Variants in CNTNAP5 observed in about 807,000 individuals in gnomAD.
CNTNAP5 encodes the protein contactin associated protein family member 5.
Under a neutral mutation model 150.2 loss-of-function variants are expected in CNTNAP5, and 72 were observed. The ratio of observed to expected loss-of-function variants is 0.48; its 90% CI spans 0.40 to 0.58. The LOEUF is 0.58. Ranked by LOEUF, CNTNAP5 falls within the 20% of genes least tolerant of loss-of-function variation. The pLI is 0.00. For synonymous variants in CNTNAP5, 672 were observed against 619.8 expected (o/e 1.08, Z -1.25); for missense variants, 1,636 against 1,626.2 (o/e 1.01, Z -0.10).
At chr2:124,828,556 C>T (rs1012483103) in intron 19 of CNTNAP5, among the ~76,000 whole-genome samples, 3 of 151,640 alleles carry the variant, frequency 2.0e-5, no homozygotes, top group African/African-American at 7.3e-5. Context: ...CCATGCTTTG[C>T]CATATCGTAG....
intron 13 of CNTNAP5, among the ~76,000 whole-genome samples, chr2:124,669,515 T>C (rs1301879641): frequency 6.6e-6 from 1 of 152,240 alleles, no homozygotes; most frequent in Non-Finnish European, 1.5e-5. Flanking sequence ...CTCTTCATCA[T>C]CTATGCATTC....
chr2:124,510,919 C>T (rs1027269115), intron 8 of CNTNAP5, among the ~76,000 whole-genome samples: 1 of 152,106 alleles, frequency 6.6e-6, no homozygotes, highest in African/African-American at 2.4e-5. Flanking sequence ...ACCTTGATAA[C>T]CTAATTTATA....
chr2:124,062,195 CT>C (rs1682027768), intron 1 of CNTNAP5, among the ~76,000 whole-genome samples: 1 of 152,148 alleles, frequency 6.6e-6, no homozygotes, highest in Non-Finnish European at 1.5e-5. Flanking sequence ...ATCACAAAAC[CT>C]TTGTCCTACA....
At chr2:124,114,130 G>T (rs1242947621) in intron 1 of CNTNAP5, among the ~76,000 whole-genome samples, 2 of 151,928 alleles carry the variant, frequency 1.3e-5, no homozygotes, top group Non-Finnish European at 2.9e-5. Flanking sequence ...CTTAGAATAA[G>T]CTTGCCAAGC....
At chr2:124,522,386 C>G (rs1408266884) in intron 8 of CNTNAP5, among the ~76,000 whole-genome samples, 1 of 152,180 alleles carries the variant, frequency 6.6e-6, no homozygotes, top group Admixed American at 6.5e-5. Flanking sequence ...CTCCTGGGGA[C>G]TCTGCAAGCA....
intron 17 of CNTNAP5, among the ~76,000 whole-genome samples, chr2:124,780,218 C>CT (rs1681420656): frequency 6.6e-6 from 1 of 152,068 alleles, no homozygotes; most frequent in African/African-American, 2.4e-5. Flanking sequence ...TTGGGATTTT[C>CT]TTTTAAGGGT....
chr2:124,722,156 A>G (rs1361420755), intron 13 of CNTNAP5, among the ~76,000 whole-genome samples: 2 of 152,124 alleles, frequency 1.3e-5, no homozygotes, highest in African/African-American at 2.4e-5. Context: ...GAAGAACACA[A>G]TTCAGTTCAT....
chr2:124,428,374 G>C (rs754071826), intron 4 of CNTNAP5, among the ~76,000 whole-genome samples: 4 of 152,196 alleles, frequency 2.6e-5, no homozygotes, highest in Non-Finnish European at 5.9e-5. Flanking sequence ...TAGTCCTCGA[G>C]AGCAGGGACC....
chr2:124,037,738 G>C (rs190451545), intron 1 of CNTNAP5, among the ~76,000 whole-genome samples: 3 of 152,056 alleles, frequency 2.0e-5, no homozygotes, highest in African/African-American at 7.2e-5. Context: ...TTAGAAAGGC[G>C]GAATAAGTTC....
chr2:124,352,733 A>G (rs531098306), intron 3 of CNTNAP5, among the ~76,000 whole-genome samples: 2 of 152,336 alleles, frequency 1.3e-5, no homozygotes, highest in East Asian at 1.9e-4. Context: ...TTTAGCTTCC[A>G]GGGCCTGAAC....
At chr2:124,062,291 C>A (rs548832127) in intron 1 of CNTNAP5, among the ~76,000 whole-genome samples, 36 of 152,252 alleles carry the variant, frequency 2.4e-4, no homozygotes, top group Admixed American at 1.6e-3. Flanking sequence ...TACCTCTCTC[C>A]TCCCTCACAA....
At chr2:124,838,106 C>T (rs1232689167) in intron 19 of CNTNAP5, among the ~76,000 whole-genome samples, 1 of 152,018 alleles carries the variant, frequency 6.6e-6, no homozygotes, top group African/African-American at 2.4e-5. Context: ...GCAAATGTAG[C>T]TTCAGAGGGA....
At chr2:124,618,323 A>G (rs1386845623) in intron 12 of CNTNAP5, among the ~76,000 whole-genome samples, 1 of 152,200 alleles carries the variant, frequency 6.6e-6, no homozygotes, top group Non-Finnish European at 1.5e-5. Context: ...CACAGCATGC[A>G]TGGACCTTAG....
Position 124,917,686 on chromosome 2 carries a change from T to C in CNTNAP5, c.*3398T>C, listed in dbSNP as rs1462349101. On this transcript the variant is annotated 3_prime_UTR_variant, in exon 24 of 24. Coordinates refer to ENST00000682447, the MANE Select transcript of CNTNAP5 (RefSeq NM_001367498.1). The stretch of plus-strand genomic sequence containing the variant: ...TAGAACAAAATAAAGAGATTGTTTT[T>C]CTTTTTTCATTCATGAAGTATTTAT... Among the ~76,000 whole-genome samples the C allele has an allele frequency of 6.6e-6, 1 of 152,126 alleles. No individual in the cohort carries two copies. Among genetic ancestry groups the C allele is most frequent in the African/African-American group, 2.4e-5 (1 of 41,452 alleles).
intron 3 of CNTNAP5, among the ~76,000 whole-genome samples, chr2:124,310,405 C>G (rs1688796622): frequency 6.6e-6 from 1 of 152,042 alleles, no homozygotes; most frequent in South Asian, 2.1e-4. Context: ...ACTCTTTCCC[C>G]TCTATTAATA....
intron 3 of CNTNAP5, among the ~76,000 whole-genome samples, chr2:124,355,154 T>C (rs148775222): frequency 6.6e-6 from 1 of 152,036 alleles, no homozygotes; most frequent in East Asian, 1.9e-4. Flanking sequence ...AAAAATTAAA[T>C]ATAGATATTT....
At chr2:124,780,300 A>G (rs1402254022) in intron 17 of CNTNAP5, among the ~76,000 whole-genome samples, 3 of 152,180 alleles carry the variant, frequency 2.0e-5, no homozygotes, top group Non-Finnish European at 4.4e-5. Flanking sequence ...CCATTGGAAT[A>G]ATGAGACACT....
At chr2:124,709,255 G>GTGTA (rs1553433956) in intron 13 of CNTNAP5, among the ~76,000 whole-genome samples, 5 of 151,632 alleles carry the variant, frequency 3.3e-5, no homozygotes, top group East Asian at 3.9e-4. Flanking sequence ...GTGTGTGTGT[G>GTGTA]TGTGCTCTTT....
chr2:124,264,922 G>A (rs1376030274), intron 3 of CNTNAP5, among the ~76,000 whole-genome samples: 2 of 152,186 alleles, frequency 1.3e-5, no homozygotes, highest in Non-Finnish European at 2.9e-5. Flanking sequence ...GTGTCTTTGG[G>A]CATGCGACAT....
Sources: allele counts gnomAD v4.1 joint callset (sites outside exome capture counted in the v4.1 genomes callset), GRCh38; gene constraint gnomAD v4.1.1; transcripts MANE v1.5; gene names NCBI Gene and HGNC (gene_info 2026-07-23, HGNC 2026-07-21).